The following XAF1 variants were observed in gnomAD, a reference collection of about 807,000 sequenced individuals.
The protein encoded by XAF1 is XIAP associated factor 1.
XAF1 carries 32 observed loss-of-function variants against 32.3 expected under a neutral mutation model. The ratio of observed to expected loss-of-function variants is 0.99; its 90% CI spans 0.75 to 1.33. The LOEUF (loss-of-function observed/expected upper bound fraction) is 1.33. Ranked by LOEUF, XAF1 falls within the 40% of genes most tolerant of loss-of-function variation. The probability of loss-of-function intolerance (pLI) is 0.00; values close to 1 mark genes in which losing one functional copy is unlikely to be tolerated. For synonymous variants in XAF1, 120 were observed against 125.9 expected (o/e 0.95, Z 0.31); for missense variants, 379 against 366.0 (o/e 1.04, Z -0.29).
chr17:6,773,167 T>C lies in XAF1; in HGVS notation c.904T>C (p.Ter302GlnextTer31), dbSNP rs778705714. Reference sequence around the variant, plus strand: ...AGGAAAACAAGTGAGAAATTTCAGCTAGATTTGGAAAAGGAAAGGTACTAC... The same window carrying C: ...AGGAAAACAAGTGAGAAATTTCAGCCAGATTTGGAAAAGGAAAGGTACTAC... ...SKGKQVRNFS[*>Q] Residue 302 changes from the stop codon to glutamine (Q), a stop_lost, in exon 7 of 7, where the codon TAG becomes CAG. Coordinates refer to ENST00000361842, the MANE Select transcript of XAF1 (RefSeq NM_017523.5). The C allele has an allele frequency of 2.5e-6, 4 of 1,603,202 alleles. No homozygotes were observed. The highest frequency in any genetic ancestry group is 3.5e-5 in the Admixed American group (2 of 57,456).
chr17:6,758,338 G>A, intron 2 of XAF1, 114 bp downstream of exon 2: 2 of 1,464,098 alleles, frequency 1.4e-6, no homozygotes, highest in Non-Finnish European at 1.8e-6. Flanking sequence ...CTCCCTGCAG[G>A]TGAGATGGGG....
chr17:6,761,721 GCAACA>G lies in XAF1; in HGVS notation c.422-411_422-407del, dbSNP rs369358018. ...ACACAGTCTTCAACACAACTTCAGTGCAACACAACACAACACAACACAACACAGCT... is the reference window on the plus strand; with the variant it reads ...ACACAGTCTTCAACACAACTTCAGTGCAACACAACACAACACAACACAGCT... On this transcript the variant is annotated intron_variant, in intron 4 of 6. Transcript: ENST00000361842. The G allele has an allele frequency of 2.0e-3, 1,436 of 726,672 alleles. 16 individuals are homozygous for G. In the African/African-American group the frequency reaches 0.022, roughly 11 times the overall value. 45.0% of individuals were successfully genotyped at this position (726,672 alleles called of 1,614,324 possible). A position where few individuals can be genotyped will look rare whatever the true frequency, so the allele number is the denominator to read the frequency against.
intron 5 of XAF1, among the ~76,000 whole-genome samples, chr17:6,766,956 T>C (rs181749191): frequency 2.0e-5 from 3 of 152,334 alleles, no homozygotes; most frequent in East Asian, 3.9e-4. Flanking sequence ...CTTAGGTTAC[T>C]CCTTGTTTGA....
chr17:6,757,980 T>G, intron 1 of XAF1, 109 bp from the exon 2 acceptor site: 1 of 1,466,912 alleles, frequency 6.8e-7, no homozygotes, highest in Non-Finnish European at 9.4e-7. Flanking sequence ...TCATCACATG[T>G]TCAGTGCTTA....
At chr17:6,755,449 ATGT>A (rs1974598162), upstream of XAF1, 1 of 985,936 alleles carries the variant, frequency 1.0e-6, no homozygotes, top group Non-Finnish European at 1.2e-6. Context: ...ATCACTCCAG[ATGT>A]TGTTTAGAGT....
intron 2 of XAF1, chr17:6,759,231 C>T (rs1247741643): frequency 9.3e-7 from 1 of 1,072,104 alleles, no homozygotes. Flanking sequence ...CTCCAGTTTT[C>T]CTATTTCCAA....
chr17:6,763,400 T>G (rs1316460601), intron 5 of XAF1, among the ~76,000 whole-genome samples: 1 of 152,182 alleles, frequency 6.6e-6, no homozygotes, highest in Admixed American at 6.5e-5. Context: ...TGATCTCGGC[T>G]CACTGCAACC....
intron 4 of XAF1, chr17:6,761,759 T>C: frequency 9.1e-7 from 1 of 1,098,914 alleles, no homozygotes; most frequent in Non-Finnish European, 1.2e-6. Context: ...GCTTCAACAC[T>C]GTCAACAAAA....
At position 6,758,000 on chromosome 17, in the gene XAF1, G is replaced by A. The variant is rs1021675453; in HGVS notation, c.33-89G>A. 3.0e-5 allele frequency: 47 copies of A among 1,571,814 alleles called. No individual in the cohort carries two copies. The African/African-American group carries it at 5.4e-4, about 18-fold the overall frequency. ...ACATGTTCAGTGCTTAAGGCCTCTG[G>A]AGATCTAGCCCTGGGTATGAAATAC... On this transcript the variant is annotated intron_variant, in intron 1 of 6. Coordinates refer to ENST00000361842, the MANE Select transcript of XAF1 (RefSeq NM_017523.5).
chr17:6,769,459 T>C (rs1975857807), intron 5 of XAF1, among the ~76,000 whole-genome samples: 1 of 152,230 alleles, frequency 6.6e-6, no homozygotes, highest in African/African-American at 2.4e-5. Flanking sequence ...ACCTGTTCTG[T>C]TTTTCATGAG....
At chr17:6,759,976 C>T in intron 3 of XAF1, 1 of 607,472 alleles carries the variant, frequency 1.6e-6, no homozygotes, top group Non-Finnish European at 2.9e-6. Flanking sequence ...CGCACTCTGG[C>T]CCTTCTCATC....
At chr17:6,762,063 C>T (rs1199960460) in intron 4 of XAF1, 92 bp from the exon 5 acceptor site, 2 of 1,597,386 alleles carry the variant, frequency 1.3e-6, no homozygotes, top group Admixed American at 3.5e-5. Context: ...AGTTCGTGCT[C>T]ATGAGCACAG....
chr17:6,767,386 C>T lies in XAF1; in HGVS notation c.508-3257C>T, dbSNP rs34811366. On this transcript the variant is annotated intron_variant, in intron 5 of 6. Transcript: ENST00000361842. ...AAAGGTTGATTTCTTTGAAATCAGCCGAAGAAGATTACAAGCAAAGGAATG... is the reference window on the plus strand; with the variant it reads ...AAAGGTTGATTTCTTTGAAATCAGCTGAAGAAGATTACAAGCAAAGGAATG... Among the ~76,000 whole-genome samples the T allele has an allele frequency of 3.2e-3, 490 of 151,938 alleles. 3 individuals carry two copies. The highest frequency in any genetic ancestry group is 9.0e-3 in the African/African-American group (371 of 41,418).
Position 6,765,362 on chromosome 17 carries a change from G to A in XAF1, c.507+3122G>A, listed in dbSNP as rs370091208. ...CAGGAGGCGGAGCTTGCAGTGAGCCGAGATCACGCCACTACACTGCAGCCT... is the reference window on the plus strand; with the variant it reads ...CAGGAGGCGGAGCTTGCAGTGAGCCAAGATCACGCCACTACACTGCAGCCT... On this transcript the variant is annotated intron_variant, in intron 5 of 6. Coordinates refer to ENST00000361842, the MANE Select transcript of XAF1 (RefSeq NM_017523.5). 2.5e-3 allele frequency among the ~76,000 whole-genome samples: 385 copies of A among 152,186 alleles called. 3 individuals carry two copies. Among genetic ancestry groups the A allele is most frequent in the African/African-American group, 8.8e-3 (365 of 41,502 alleles).
intron 3 of XAF1, 93 bp from the exon 4 acceptor site, chr17:6,760,313 A>G: frequency 7.9e-7 from 1 of 1,267,834 alleles, no homozygotes; most frequent in Non-Finnish European, 1.1e-6. Flanking sequence ...AAGCCACTGC[A>G]CTCCAGCCTG....
intron 5 of XAF1, among the ~76,000 whole-genome samples, chr17:6,766,675 T>A (rs2151550005): frequency 6.6e-6 from 1 of 152,376 alleles, no homozygotes; most frequent in South Asian, 2.1e-4. Context: ...TTCTTTCTCC[T>A]ACAACTTTTT....
At chr17:6,755,765 C>T, upstream of XAF1, 1 of 1,160,612 alleles carries the variant, frequency 8.6e-7, no homozygotes, top group South Asian at 2.5e-5. Context: ...GAGAAGCCAG[C>T]CAGCCAGGGT....
rs757386179 is a variant in XAF1, at chr17:6,770,833, G to A, written c.698G>A (p.Arg233Lys). The A allele has an allele frequency of 6.2e-7, 1 of 1,613,658 alleles. No individual in the cohort carries two copies. The highest frequency in any genetic ancestry group is 8.5e-7 in the Non-Finnish European group (1 of 1,179,900). ...HSESSSKKAP[R>K]SKNKTLDPLL... ...GAAAGTTCATCAAAGAAAGCACCAA[G>A]AAGCAAAAACAAAACCTTGGATCCA... Residue 233 changes from arginine (R) to lysine (K), a missense_variant, in exon 6 of 7, where the codon AGA becomes AAA. Transcript: ENST00000361842.
In XAF1 at chr17:6,756,149, C is replaced by G. The variant is rs138975036; in HGVS notation, c.32+39C>G. 14 of 1,613,286 alleles carry G rather than the reference C, an allele frequency of 8.7e-6. No individual in the cohort carries two copies. In the East Asian group the frequency reaches 2.9e-4, roughly 33 times the overall value. ...TTCTCCAGCGGCAGACCCGGGCTGG[C>G]GAGGGAGAGACGTAGACGACATAGG... On this transcript the variant is annotated intron_variant, in intron 1 of 6. Transcript: ENST00000361842.
Sources: gnomAD v4.1 joint callset for allele counts (sites outside exome capture counted in the v4.1 genomes callset) on GRCh38, gnomAD v4.1.1 for gene constraint, MANE v1.5 for transcripts, NCBI Gene and HGNC (gene_info 2026-07-23, HGNC 2026-07-21) for gene names.